The following ITPK1 variants were observed in gnomAD, a reference collection of about 807,000 sequenced individuals.
ITPK1 encodes inositol 1,3,4-trisphosphate 5/6-kinase.
ITPK1 carries 21 observed loss-of-function variants against 45.3 expected under a neutral mutation model. The observed-to-expected ratio is 0.46, with a 90% confidence interval of 0.33 to 0.67. The LOEUF (loss-of-function observed/expected upper bound fraction) is 0.67. ITPK1 is among the 30% of genes least tolerant of loss of function. ITPK1 has a pLI of 0.02. For missense variants in ITPK1, 474 were observed against 573.5 expected (o/e 0.83, Z 1.77); for synonymous variants, 258 against 253.6 (o/e 1.02, Z -0.16).
chr14:93,045,267 G>T (rs1015202497), intron 3 of ITPK1, among the ~76,000 whole-genome samples: 2 of 152,210 alleles, frequency 1.3e-5, no homozygotes, highest in East Asian at 3.8e-4. Context: ...TCTGCCTCCC[G>T]CAGCGCTTGA....
At chr14:93,030,383 T>C (rs1888973299) in intron 3 of ITPK1, among the ~76,000 whole-genome samples, 1 of 152,264 alleles carries the variant, frequency 6.6e-6, no homozygotes, top group South Asian at 2.1e-4. Context: ...CCTCAGTTTG[T>C]GTGAGTGATG....
chr14:93,039,605 A>C (rs571036618), intron 3 of ITPK1, among the ~76,000 whole-genome samples: 2 of 152,366 alleles, frequency 1.3e-5, no homozygotes, highest in African/African-American at 4.8e-5. Flanking sequence ...CGCTGCTCGC[A>C]GATCTGACTG....
chr14:92,975,457 C>T (rs1885893125), intron 5 of ITPK1, among the ~76,000 whole-genome samples: 1 of 152,184 alleles, frequency 6.6e-6, no homozygotes, highest in South Asian at 2.1e-4. Flanking sequence ...TCTCTGTGTG[C>T]CTGGGACCTG....
intron 3 of ITPK1, among the ~76,000 whole-genome samples, chr14:93,058,686 T>C (rs986640185): frequency 8.4e-3 from 4 of 474 alleles, no homozygotes; most frequent in African/African-American, 0.015. Flanking sequence ...GGTTATGAGG[T>C]GGGGTGGAGG....
At chr14:93,029,681 G>A (rs1266476642) in intron 3 of ITPK1, among the ~76,000 whole-genome samples, 1 of 152,160 alleles carries the variant, frequency 6.6e-6, no homozygotes, top group Non-Finnish European at 1.5e-5. Context: ...GGCAGGAGAT[G>A]AGCCACCACC....
chr14:92,940,810 C>A lies in ITPK1; in HGVS notation c.*751G>T. On this transcript the variant is annotated 3_prime_UTR_variant, in exon 11 of 11. Coordinates refer to ENST00000267615, the MANE Select transcript of ITPK1 (RefSeq NM_014216.6). ...CCATCGGCTCGGGCCTCCAGCCAGG[C>A]AGCCTCCTTCCCGGGCTCCAGGGAG... 7.8e-7 allele frequency: 1 copy of A among 1,286,562 alleles called. No individual in the cohort carries two copies. Among genetic ancestry groups the A allele is most frequent in the Non-Finnish European group, 1.0e-6 (1 of 987,368 alleles). 79.7% of individuals were successfully genotyped at this position (1,286,562 alleles called of 1,614,324 possible).
At chr14:93,030,528 A>G (rs1740697) in intron 3 of ITPK1, among the ~76,000 whole-genome samples, 99,598 of 152,122 alleles carry the variant, frequency 0.65, 34,127 homozygotes, top group African/African-American at 0.88. Context: ...CTGAAGATGC[A>G]ACGTGAAGAT....
chr14:93,028,032 T>C (rs531210389), intron 3 of ITPK1, among the ~76,000 whole-genome samples: 1 of 152,330 alleles, frequency 6.6e-6, no homozygotes, highest in Non-Finnish European at 1.5e-5. Flanking sequence ...TCCATGCACC[T>C]GCTGGCTCCC....
At chr14:93,051,673 T>TC (rs1890017527) in intron 3 of ITPK1, among the ~76,000 whole-genome samples, 1 of 150,466 alleles carries the variant, frequency 6.6e-6, no homozygotes, top group South Asian at 2.1e-4. Context: ...GAGCAACTCA[T>TC]CCCCCTTGAA....
At chr14:92,955,672 A>G (rs1884676847) in intron 8 of ITPK1, among the ~76,000 whole-genome samples, 1 of 152,262 alleles carries the variant, frequency 6.6e-6, no homozygotes, top group Non-Finnish European at 1.5e-5. Flanking sequence ...GTCAACACGT[A>G]AAAAACAAAA....
intron 5 of ITPK1, among the ~76,000 whole-genome samples, chr14:92,965,617 C>A (rs1290762194): frequency 6.6e-6 from 1 of 152,204 alleles, no homozygotes; most frequent in African/African-American, 2.4e-5. Context: ...TAAAAAACCT[C>A]CAAAACTATT....
intron 2 of ITPK1, among the ~76,000 whole-genome samples, chr14:93,082,753 G>A (rs1415929869): frequency 6.6e-6 from 1 of 152,214 alleles, no homozygotes; most frequent in African/African-American, 2.4e-5. Context: ...TTTACCGGAC[G>A]GGTCCTGGGG....
intron 4 of ITPK1, among the ~76,000 whole-genome samples, chr14:93,002,055 T>A (rs921799677): frequency 1.3e-5 from 2 of 152,014 alleles, no homozygotes; most frequent in Non-Finnish European, 2.9e-5. Context: ...CATTTGACAA[T>A]CAAAGAAACT....
intron 5 of ITPK1, among the ~76,000 whole-genome samples, chr14:92,975,769 C>G (rs1694832124): frequency 6.6e-6 from 1 of 152,210 alleles, no homozygotes; most frequent in Non-Finnish European, 1.5e-5. Flanking sequence ...ATTATAGCAT[C>G]AGCTCTCCTG....
At chr14:93,025,553 G>A (rs1296568420) in intron 3 of ITPK1, among the ~76,000 whole-genome samples, 1 of 151,882 alleles carries the variant, frequency 6.6e-6, no homozygotes, top group Admixed American at 6.6e-5. Context: ...GTTTTCCTCC[G>A]GATGAGCACT....
chr14:93,014,940 C>T lies in ITPK1; in HGVS notation c.246+1736G>A, dbSNP rs1480502492. 6.6e-6 allele frequency among the ~76,000 whole-genome samples: 1 copy of T among 152,250 alleles called. No homozygotes were observed. Among genetic ancestry groups the T allele is most frequent in the Admixed American group, 6.5e-5 (1 of 15,288 alleles). ...CTCAGCAAGAGATGCACCATCCCTG[C>T]CCCAAAGGTCTGCGTGGCAGCCCAG... On this transcript the variant is annotated intron_variant, in intron 4 of 10. Transcript: ENST00000267615. The surrounding 1 kb of genome is among the most constrained non-coding windows in gnomAD (Gnocchi z 4.4).
At chr14:93,031,357 T>C (rs1339877010) in intron 3 of ITPK1, among the ~76,000 whole-genome samples, 3 of 151,964 alleles carry the variant, frequency 2.0e-5, no homozygotes, top group African/African-American at 7.3e-5. Context: ...GTGAGGGAGT[T>C]AGATGCCTCA....
At chr14:93,064,751 AG>A (rs1182558159) in intron 3 of ITPK1, among the ~76,000 whole-genome samples, 1 of 152,234 alleles carries the variant, frequency 6.6e-6, no homozygotes, top group Non-Finnish European at 1.5e-5. Context: ...CAGGGCAATC[AG>A]GTCCCTGAAA....
chr14:93,077,065 T>A (rs936209827), intron 2 of ITPK1, among the ~76,000 whole-genome samples: 2 of 152,000 alleles, frequency 1.3e-5, no homozygotes, highest in African/African-American at 4.8e-5. Flanking sequence ...CCCCAACCCA[T>A]CCACTGCCAC....
Sources: allele counts gnomAD v4.1 joint callset (sites outside exome capture counted in the v4.1 genomes callset), GRCh38; gene constraint gnomAD v4.1.1; non-coding constraint Gnocchi (gnomAD v3.1); transcripts MANE v1.5; gene names NCBI Gene and HGNC (gene_info 2026-07-23, HGNC 2026-07-21).